ABCC1: variants seen among roughly 807,000 people sequenced by gnomAD.
ABCC1 encodes ATP binding cassette subfamily C member 1 (ABCC1 blood group).
In ABCC1, 83 loss-of-function variants were observed where a neutral mutation model predicts 172.9. The ratio of observed to expected loss-of-function variants is 0.48; its 90% CI spans 0.40 to 0.58. The LOEUF (loss-of-function observed/expected upper bound fraction) is 0.58. Ranked by LOEUF, ABCC1 falls within the 20% of genes least tolerant of loss-of-function variation. The pLI, the probability that ABCC1 is intolerant of heterozygous loss-of-function variation, is 0.00. For missense variants in ABCC1, 1,817 were observed against 2,002.7 expected (o/e 0.91, Z 1.77); for synonymous variants, 937 against 825.2 (o/e 1.14, Z -2.32).
At chr16:16,050,484 A>G (rs552208932) in intron 10 of ABCC1, among the ~76,000 whole-genome samples, 26 of 151,008 alleles carry the variant, frequency 1.7e-4, no homozygotes, top group African/African-American at 6.4e-4. Flanking sequence ...GAAGAAGAAA[A>G]AATTACTGGT....
intron 14 of ABCC1, among the ~76,000 whole-genome samples, chr16:16,073,123 C>G (rs1273035131): frequency 6.6e-6 from 1 of 152,034 alleles, no homozygotes; most frequent in Non-Finnish European, 1.5e-5. Flanking sequence ...CTCTGTCATG[C>G]ACATGCCATT....
At chr16:15,949,228 G>T (rs1445016158), upstream of ABCC1, among the ~76,000 whole-genome samples, 1 of 151,494 alleles carries the variant, frequency 6.6e-6, no homozygotes, top group Non-Finnish European at 1.5e-5. Context: ...TGAAATGAGG[G>T]CACAGTTAAG....
chr16:16,046,002 G>C lies in ABCC1; in HGVS notation c.1207G>C (p.Val403Leu). The C allele has an allele frequency of 1.2e-6, 2 of 1,614,120 alleles. No individual in the cohort carries two copies. The highest frequency in any genetic ancestry group is 1.7e-6 in the Non-Finnish European group (2 of 1,180,020). ...GATCAAGACCGCTGTCATTGGGGCTGTCTATCGGAAGGTAGGGGACGCTGT... is the reference window on the plus strand; with the variant it reads ...GATCAAGACCGCTGTCATTGGGGCTCTCTATCGGAAGGTAGGGGACGCTGT... ...MRIKTAVIGA[V>L]YRKALVITNS... Residue 403 changes from valine (V) to leucine (L), a missense_variant, in exon 9 of 31, where the codon GTC becomes CTC. Around this residue, in one of 3 missense-constraint regions of ABCC1, gnomAD observed 1,412 missense variants for 1,600.3 expected, o/e 0.88. Transcript: ENST00000399410.
chr16:16,019,194 C>G (rs2048111452), intron 5 of ABCC1, among the ~76,000 whole-genome samples: 1 of 152,064 alleles, frequency 6.6e-6, no homozygotes, highest in African/African-American at 2.4e-5. Flanking sequence ...AACCCCGCCT[C>G]CTGGGTTCAA....
chr16:16,077,657 A>T (rs2050633045), intron 15 of ABCC1, among the ~76,000 whole-genome samples: 1 of 152,188 alleles, frequency 6.6e-6, no homozygotes, highest in African/African-American at 2.4e-5. Flanking sequence ...AAGCCTGATG[A>T]GTGTCACCAT....
chr16:15,973,811 A>T (rs2046423167), intron 1 of ABCC1, among the ~76,000 whole-genome samples: 1 of 151,662 alleles, frequency 6.6e-6, no homozygotes, highest in Non-Finnish European at 1.5e-5. Flanking sequence ...CCCAGTCTCT[A>T]CACAAAATTA....
intron 12 of ABCC1, among the ~76,000 whole-genome samples, chr16:16,062,012 G>C (rs1437506088): frequency 6.6e-6 from 1 of 152,006 alleles, no homozygotes; most frequent in African/African-American, 2.4e-5. Flanking sequence ...AGCTCGAGCA[G>C]TCCGCCTGCC....
chr16:16,070,839 C>G (rs1286939884), intron 13 of ABCC1, among the ~76,000 whole-genome samples: 5 of 152,266 alleles, frequency 3.3e-5, no homozygotes, highest in African/African-American at 7.2e-5. Flanking sequence ...TCTCAGACCC[C>G]TTACATTCTA....
Position 15,949,794 on chromosome 16 carries a change from C to T in ABCC1, c.43C>T (p.Leu15Phe), listed in dbSNP as rs909494728. The stretch of plus-strand genomic sequence containing the variant: ...CTGCAGCGCCGATGGCTCCGACCCG[C>T]TCTGGGTACGTGCCGGGGGCCGCGT... The part of the protein sequence containing the change: ...GFCSADGSDP[L>F]WDWNVTWNTS... Residue 15 changes from leucine to phenylalanine, a missense_variant, in exon 1 of 31, where the codon CTC becomes TTC. Physicochemically the swap from Leu to Phe is conservative, Grantham distance 22. This residue lies in a region of ABCC1 where 398 missense variants were observed against 384.2 expected (regional missense o/e 1.04). Coordinates refer to ENST00000399410, the MANE Select transcript of ABCC1 (RefSeq NM_004996.4). 1 of 1,195,804 alleles carries T rather than the reference C, an allele frequency of 8.4e-7. No individual in the cohort carries two copies. The highest frequency in any genetic ancestry group is 4.1e-5 in the South Asian group (1 of 24,338). The allele number at this position is 1,195,804 out of a possible 1,614,324, so 74.1% of individuals were successfully genotyped here. A position where few individuals can be genotyped will look rare whatever the true frequency, so the allele number is the denominator to read the frequency against.
chr16:16,067,949 G>A (rs1374105950), intron 12 of ABCC1, among the ~76,000 whole-genome samples: 1 of 152,168 alleles, frequency 6.6e-6, no homozygotes, highest in Admixed American at 6.5e-5. Context: ...GCTCCCGGTC[G>A]TTGATTTATC....
intron 12 of ABCC1, among the ~76,000 whole-genome samples, chr16:16,062,916 G>A (rs906915965): frequency 5.9e-5 from 9 of 152,100 alleles, no homozygotes; most frequent in Non-Finnish European, 1.2e-4. Flanking sequence ...CCAGGCAGCC[G>A]TCAATATTTA....
rs2048209662 is a variant in ABCC1 at position 16,021,914 on chromosome 16, GT to G, written c.615+5295del. Among the ~76,000 whole-genome samples, 4 of 152,244 alleles carry G rather than the reference GT, an allele frequency of 2.6e-5. No individual in the cohort carries two copies. In the South Asian group the frequency reaches 8.3e-4, roughly 32 times the overall value. On this transcript the variant is annotated intron_variant, in intron 5 of 30. Transcript: ENST00000399410. The stretch of plus-strand genomic sequence containing the variant: ...AAAACGGGTTGCAACTCGATTTGTT[GT>G]TGGCTTCACCTCCTCTCTCTGTCCC...
At chr16:16,032,563 C>A (rs1412436587) in intron 5 of ABCC1, among the ~76,000 whole-genome samples, 1 of 152,110 alleles carries the variant, frequency 6.6e-6, no homozygotes, top group Non-Finnish European at 1.5e-5. Flanking sequence ...AATAGTAATA[C>A]CATGTTTATA....
intron 7 of ABCC1, among the ~76,000 whole-genome samples, chr16:16,043,870 G>T (rs2049089133): frequency 6.6e-6 from 1 of 152,210 alleles, no homozygotes; most frequent in South Asian, 2.1e-4. Flanking sequence ...CCAAAGTGCT[G>T]GGATTACAGG....
intron 23 of ABCC1, among the ~76,000 whole-genome samples, chr16:16,118,777 A>T (rs562159363): frequency 6.6e-6 from 1 of 151,682 alleles, no homozygotes; most frequent in Non-Finnish European, 1.5e-5. Context: ...ACATGAAAAC[A>T]TCGTCTTTTT....
chr16:15,978,609 G>A (rs1046934164), intron 1 of ABCC1, among the ~76,000 whole-genome samples: 14 of 152,108 alleles, frequency 9.2e-5, no homozygotes, highest in Admixed American at 7.2e-4. Flanking sequence ...TATAAATGTG[G>A]TTGTTTCTGG....
At chr16:16,073,909 G>A (rs1181248405) in intron 14 of ABCC1, among the ~76,000 whole-genome samples, 4 of 152,218 alleles carry the variant, frequency 2.6e-5, no homozygotes, top group Non-Finnish European at 5.9e-5. Context: ...GTTATACCGC[G>A]TGAGCTGTGT....
In ABCC1 at chr16:16,141,370, C is replaced by A; in HGVS notation, c.*89C>A. 1 of 1,258,414 alleles carries A rather than the reference C, an allele frequency of 7.9e-7. No individual in the cohort carries two copies. Among genetic ancestry groups the A allele is most frequent in the Non-Finnish European group, 1.1e-6 (1 of 884,642 alleles). The allele number at this position is 1,258,414 out of a possible 1,614,324, so 78.0% of individuals were successfully genotyped here. ...CAGTACCCCTGGTAAACCAAGCCTC[C>A]CACACTGAAACCAAAACATAAAAAC... On this transcript the variant is annotated 3_prime_UTR_variant, in exon 31 of 31. Transcript: ENST00000399410.
At chr16:16,108,795 G>C (rs2052259558) in intron 21 of ABCC1, among the ~76,000 whole-genome samples, 1 of 151,250 alleles carries the variant, frequency 6.6e-6, no homozygotes, top group Non-Finnish European at 1.5e-5. Context: ...ATGAGGTTTC[G>C]CCCTGTCGCC....
Sources: allele counts gnomAD v4.1 joint callset (sites outside exome capture counted in the v4.1 genomes callset), GRCh38; gene constraint gnomAD v4.1.1; regional missense constraint gnomAD v4.1.1; transcripts MANE v1.5; gene names NCBI Gene and HGNC (gene_info 2026-07-23, HGNC 2026-07-21).